Variants in CNTN6 observed in about 807,000 individuals in gnomAD.
CNTN6 encodes the protein contactin-6.
CNTN6 carries 137 observed loss-of-function variants against 122.8 expected under a neutral mutation model. The observed-to-expected ratio is 1.12, with a 90% confidence interval of 0.97 to 1.29. The LOEUF is 1.29. CNTN6 is among the 50% of genes most tolerant of loss of function. The pLI is 0.00. For synonymous variants in CNTN6, 570 were observed against 426.0 expected, an observed-to-expected ratio of 1.34 and a Z score of -4.16; for missense variants, 1,634 against 1,223.4, an observed-to-expected ratio of 1.34 and a Z score of -5.01.
chr3:1,148,457 A>AAAATT (rs2092770183), intron 2 of CNTN6, among the ~76,000 whole-genome samples: 1 of 143,982 alleles, frequency 6.9e-6, no homozygotes, highest in Non-Finnish European at 1.5e-5. Context: ...AAATTAAAAT[A>AAAATT]CATATTTCTC....
chr3:1,390,805 G>A (rs1162756159), intron 20 of CNTN6, among the ~76,000 whole-genome samples: 1 of 151,290 alleles, frequency 6.6e-6, no homozygotes, highest in African/African-American at 2.4e-5. Flanking sequence ...AGAAAATCTA[G>A]AAGAAATGGA....
intron 7 of CNTN6, among the ~76,000 whole-genome samples, chr3:1,308,263 G>A (rs1232412612): frequency 6.7e-6 from 1 of 149,396 alleles, no homozygotes; most frequent in African/African-American, 2.5e-5. Flanking sequence ...CCTTTGTTAT[G>A]CACTCATCAA....
At chr3:1,383,457 C>A in intron 19 of CNTN6, 49 bp downstream of exon 19, 3 of 1,352,460 alleles carry the variant, frequency 2.2e-6, no homozygotes, top group Non-Finnish European at 2.1e-6. Flanking sequence ...CAATGGACTT[C>A]GCAATAGCTC....
At chr3:1,233,119 G>C (rs2125572789) in intron 4 of CNTN6, among the ~76,000 whole-genome samples, 1 of 152,268 alleles carries the variant, frequency 6.6e-6, no homozygotes, top group South Asian at 2.1e-4. Context: ...GGATAATTTA[G>C]AGATATTATG....
At chr3:1,319,864 A>AAAATAAAATG (rs1553682049) in intron 7 of CNTN6, among the ~76,000 whole-genome samples, 2 of 150,850 alleles carry the variant, frequency 1.3e-5, no homozygotes, top group Non-Finnish European at 1.5e-5. Flanking sequence ...AAAATAAAAT[A>AAAATAAAATG]AAATAAAATA....
At chr3:1,199,146 G>A (rs13089925) in intron 2 of CNTN6, among the ~76,000 whole-genome samples, 13,706 of 149,904 alleles carry the variant, frequency 0.091, 747 homozygotes, top group Non-Finnish European at 0.13. Context: ...TAGACTTCTA[G>A]ACTCCTGAAC....
chr3:1,179,509 C>T (rs563683312), intron 2 of CNTN6, among the ~76,000 whole-genome samples: 3 of 152,172 alleles, frequency 2.0e-5, no homozygotes, highest in African/African-American at 7.2e-5. Context: ...TGGCTGCCTC[C>T]GTGTTCCAGT....
chr3:1,392,431 T>C (rs1241125022), intron 20 of CNTN6, among the ~76,000 whole-genome samples: 1 of 152,136 alleles, frequency 6.6e-6, no homozygotes, highest in Non-Finnish European at 1.5e-5. Flanking sequence ...ACTTAAATGT[T>C]AGACCTAAAA....
chr3:1,289,713 G>C (rs1468708175), intron 5 of CNTN6, among the ~76,000 whole-genome samples: 5 of 140,616 alleles, frequency 3.6e-5, no homozygotes, highest in Non-Finnish European at 6.1e-5. Flanking sequence ...CTCGCTCTGT[G>C]GCCCAGGCTG....
rs1221716020 is a variant in CNTN6 at position 1,380,828 on chromosome 3, TACAG to T, written c.2167-2110_2167-2107del. ...TAGTCTGTACTAAAGATTTGGTTCT[TACAG>T]ACACTGTGGTTGAGAATTACATTAT... On this transcript the variant is annotated intron_variant, in intron 17 of 22. Transcript: ENST00000446702. Among the ~76,000 whole-genome samples the T allele has an allele frequency of 3.9e-5, 6 of 152,236 alleles. No homozygotes were observed. In the South Asian group the frequency reaches 6.2e-4, roughly 16 times the overall value.
At chr3:1,170,173 G>A in intron 2 of CNTN6, among the ~76,000 whole-genome samples, 1 of 137,648 alleles carries the variant, frequency 7.3e-6, no homozygotes, top group Non-Finnish European at 1.5e-5. Context: ...TGAGGCAGAG[G>A]TTGCAGTGAG....
At chr3:1,238,550 A>G (rs1049880678) in intron 4 of CNTN6, among the ~76,000 whole-genome samples, 2 of 152,206 alleles carry the variant, frequency 1.3e-5, no homozygotes, top group Non-Finnish European at 2.9e-5. Flanking sequence ...GAAAGTCAAC[A>G]AAGAAACAAT....
intron 2 of CNTN6, among the ~76,000 whole-genome samples, chr3:1,159,869 G>A (rs1163532135): frequency 6.6e-6 from 1 of 151,840 alleles, no homozygotes; most frequent in Non-Finnish European, 1.5e-5. Flanking sequence ...CCCCCAGGCT[G>A]GAGTACAGTG....
chr3:1,274,618 G>A (rs1428970343), intron 4 of CNTN6, among the ~76,000 whole-genome samples: 3 of 152,110 alleles, frequency 2.0e-5, no homozygotes, highest in African/African-American at 4.8e-5. Flanking sequence ...AAAGAACACT[G>A]ATATGGGAAG....
intron 7 of CNTN6, among the ~76,000 whole-genome samples, chr3:1,311,322 A>ATATACATATATGTACATATAAAATGTCTT (rs1699220844): frequency 7.0e-6 from 1 of 141,950 alleles, no homozygotes; most frequent in East Asian, 2.1e-4. Flanking sequence ...TAAAATGTAT[A>ATATACATATATGTACATATAAAATGTCTT]TATACATATA....
intron 2 of CNTN6, among the ~76,000 whole-genome samples, chr3:1,183,577 A>C (rs2093588831): frequency 6.6e-6 from 1 of 152,022 alleles, no homozygotes; most frequent in East Asian, 1.9e-4. Context: ...CACATTCTGG[A>C]CACATTCCTA....
intron 1 of CNTN6, among the ~76,000 whole-genome samples, chr3:1,135,197 C>CT (rs57111469): frequency 0.39 from 59,555 of 151,964 alleles, 12,203 homozygotes; most frequent in East Asian, 0.48. Context: ...TTTTCTCACT[C>CT]TTTTTTATTT....
chr3:1,192,888 C>T (rs940905782), intron 2 of CNTN6, among the ~76,000 whole-genome samples: 4 of 152,166 alleles, frequency 2.6e-5, no homozygotes, highest in Admixed American at 2.0e-4. Flanking sequence ...CTCACCCACA[C>T]AGCAATTAAA....
intron 1 of CNTN6, among the ~76,000 whole-genome samples, chr3:1,112,016 C>T (rs2091503854): frequency 6.6e-6 from 1 of 152,010 alleles, no homozygotes; most frequent in African/African-American, 2.4e-5. Context: ...AGTTATTTTG[C>T]CCTAGGGGTG....
Sources: gnomAD v4.1 joint callset for allele counts (sites outside exome capture counted in the v4.1 genomes callset) on GRCh38, gnomAD v4.1.1 for gene constraint, MANE v1.5 for transcripts, NCBI Gene and HGNC (gene_info 2026-07-23, HGNC 2026-07-21) for gene names.